The following SYT2 variants were observed in gnomAD, a reference collection of about 807,000 sequenced individuals.
SYT2 encodes the protein synaptotagmin-2.
A neutral mutation model predicts 39.9 loss-of-function variants in SYT2; 15 were observed. That is an observed-to-expected ratio of 0.38 (90% CI 0.25 to 0.58). The LOEUF is 0.58. Among genes scored for constraint, SYT2 ranks in the 20% least tolerant of loss-of-function variants. The pLI is 0.70. For missense variants in SYT2, 389 were observed against 530.3 expected, an observed-to-expected ratio of 0.73 and a Z score of 2.62; for synonymous variants, 181 against 204.5, an observed-to-expected ratio of 0.89 and a Z score of 0.98.
At chr1:202,651,163 A>G (rs1572658549) in intron 1 of SYT2, among the ~76,000 whole-genome samples, 1 of 151,962 alleles carries the variant, frequency 6.6e-6, no homozygotes, top group Non-Finnish European at 1.5e-5. Flanking sequence ...GAAAGCCAAT[A>G]CCAGTCTACA....
At chr1:202,627,399 C>T (rs1192725602) in intron 1 of SYT2, 1 of 977,192 alleles carries the variant, frequency 1.0e-6, no homozygotes, top group Non-Finnish European at 1.2e-6. Context: ...CTGGCAACCT[C>T]CGTCCCATCA....
rs10800842 is a variant in SYT2 at position 202,601,648 on chromosome 1, G to A, written c.801+242C>T. Among the ~76,000 whole-genome samples, 26,520 of 152,136 alleles carry A rather than the reference G, an allele frequency of 0.17. 3,641 individuals are homozygous for A. The highest frequency in any genetic ancestry group is 0.36 in the East Asian group (1,858 of 5,160). The stretch of plus-strand genomic sequence containing the variant: ...TTTGAGTACCTACCAAATACCAGTC[G>A]CTGCGCTAGGCGCTTTATGCAGGTA... On this transcript the variant is annotated intron_variant, in intron 6 of 8. Coordinates refer to ENST00000367268, the MANE Select transcript of SYT2 (RefSeq NM_177402.5). The surrounding 1 kb of genome is among the most constrained non-coding windows in gnomAD (Gnocchi z 4.0).
chr1:202,677,556 C>T (rs1360808497), intron 1 of SYT2, among the ~76,000 whole-genome samples: 1 of 152,170 alleles, frequency 6.6e-6, no homozygotes, highest in Non-Finnish European at 1.5e-5. Context: ...CCCCAACTCG[C>T]CATGTGAATG....
intron 1 of SYT2, among the ~76,000 whole-genome samples, chr1:202,663,060 G>A (rs972150932): frequency 6.6e-5 from 10 of 151,954 alleles, no homozygotes; most frequent in African/African-American, 2.2e-4. Context: ...ATCATCATGA[G>A]TCCTCTTTTC....
At chr1:202,683,206 C>T (rs1379799217) in intron 1 of SYT2, among the ~76,000 whole-genome samples, 1 of 152,164 alleles carries the variant, frequency 6.6e-6, no homozygotes. Flanking sequence ...ATACATACCC[C>T]GTGACCTAGC....
At position 202,628,830 on chromosome 1, in the gene SYT2, G is replaced by A. The variant is rs528622931; in HGVS notation, c.-17-23041C>T. Among the ~76,000 whole-genome samples, 3 of 152,380 alleles carry A rather than the reference G, an allele frequency of 2.0e-5. No individual in the cohort carries two copies. The highest frequency in any genetic ancestry group is 1.9e-4 in the East Asian group (1 of 5,188). ...GAAACACCAGGTGCTGCCAAGTGGGGTGAATGAGCACCTGGGCTCTGGGCA... is the reference window on the plus strand; with the variant it reads ...GAAACACCAGGTGCTGCCAAGTGGGATGAATGAGCACCTGGGCTCTGGGCA... On this transcript the variant is annotated intron_variant, in intron 1 of 8. Coordinates refer to ENST00000367268, the MANE Select transcript of SYT2 (RefSeq NM_177402.5). The surrounding 1 kb of genome is among the most constrained non-coding windows in gnomAD (Gnocchi z 4.2).
chr1:202,650,188 G>A (rs909987249), intron 1 of SYT2, among the ~76,000 whole-genome samples: 4 of 152,304 alleles, frequency 2.6e-5, no homozygotes, highest in South Asian at 2.1e-4. Context: ...CCCTGTCTGC[G>A]GGTATGTAAA....
chr1:202,687,085 T>C (rs1411148483), intron 1 of SYT2, among the ~76,000 whole-genome samples: 1 of 152,060 alleles, frequency 6.6e-6, no homozygotes, highest in African/African-American at 2.4e-5. Flanking sequence ...GAAAGGGCTG[T>C]GTCTTAAGCA....
Position 202,659,343 on chromosome 1 carries a change from A to T in SYT2, c.-18+50915T>A, listed in dbSNP as rs1692337661. ...AATCAGCTGTGAAAATAAATCCAGAAGAAGGGCTGAATGGAACCAGGGGCA... is the reference window on the plus strand; with the variant it reads ...AATCAGCTGTGAAAATAAATCCAGATGAAGGGCTGAATGGAACCAGGGGCA... On this transcript the variant is annotated intron_variant, in intron 1 of 8. Coordinates refer to ENST00000367268, the MANE Select transcript of SYT2 (RefSeq NM_177402.5). Among the ~76,000 whole-genome samples the T allele has an allele frequency of 5.3e-5, 8 of 152,316 alleles. No homozygotes were observed. The South Asian group carries it at 1.7e-3, about 32-fold the overall frequency.
intron 1 of SYT2, among the ~76,000 whole-genome samples, chr1:202,691,726 A>G (rs1653832239): frequency 2.4e-4 from 3 of 12,250 alleles, no homozygotes; most frequent in African/African-American, 1.1e-3. Context: ...GGAGAGGGAG[A>G]GGGGGGGAGA....
chr1:202,654,400 T>TAA (rs1692244290), intron 1 of SYT2, among the ~76,000 whole-genome samples: 1 of 152,216 alleles, frequency 6.6e-6, no homozygotes, highest in Non-Finnish European at 1.5e-5. Context: ...AGGCCAGCCC[T>TAA]GTTTCTTCGA....
In SYT2 at chr1:202,621,477, C is replaced by T. The variant is rs117470709; in HGVS notation, c.-17-15688G>A. Among the ~76,000 whole-genome samples the T allele has an allele frequency of 3.8e-3, 577 of 152,152 alleles. 11 individuals are homozygous for T. The East Asian group carries it at 0.062, about 16-fold the overall frequency. On this transcript the variant is annotated intron_variant, in intron 1 of 8. Coordinates refer to ENST00000367268, the MANE Select transcript of SYT2 (RefSeq NM_177402.5). ...ATGCCTGGCTAGTTTTAAAGTTTTT[C>T]ATAGAGACAGGGTACCACTATGTTG...
At chr1:202,610,444 T>G (rs1342242121) in intron 1 of SYT2, among the ~76,000 whole-genome samples, 1 of 152,142 alleles carries the variant, frequency 6.6e-6, no homozygotes. Flanking sequence ...ACCACTCCTA[T>G]TCAACATAGT....
chr1:202,626,889 T>C (rs1361541020), intron 1 of SYT2, among the ~76,000 whole-genome samples: 2 of 152,184 alleles, frequency 1.3e-5, no homozygotes, highest in Non-Finnish European at 2.9e-5. Flanking sequence ...CAGGTGCCTG[T>C]CTCACAGGGA....
At chr1:202,616,568 G>A (rs1199096463) in intron 1 of SYT2, among the ~76,000 whole-genome samples, 4 of 152,048 alleles carry the variant, frequency 2.6e-5, no homozygotes, top group Admixed American at 6.5e-5. Context: ...CACCTCACTC[G>A]TCAGCCCCTC....
intron 1 of SYT2, among the ~76,000 whole-genome samples, chr1:202,606,843 G>T (rs1348470374): frequency 6.6e-6 from 1 of 151,690 alleles, no homozygotes; most frequent in Non-Finnish European, 1.5e-5. Flanking sequence ...TTCTATGCTG[G>T]TATTTTTTCT....
chr1:202,700,076 G>A (rs1311173854), intron 1 of SYT2, among the ~76,000 whole-genome samples: 2 of 152,110 alleles, frequency 1.3e-5, no homozygotes, highest in African/African-American at 4.8e-5. Flanking sequence ...TAGGGGTTGG[G>A]ACAGTCAAGG....
At chr1:202,602,659 G>A (rs1690551309) in intron 4 of SYT2, 114 bp from the exon 5 acceptor site, 2 of 1,050,946 alleles carry the variant, frequency 1.9e-6, no homozygotes, top group South Asian at 3.3e-5. Context: ...TTGGGGCAGG[G>A]AAATGGCGGG....
chr1:202,624,759 T>TGTGTGTG (rs1201264871), intron 1 of SYT2, among the ~76,000 whole-genome samples: 1 of 104,244 alleles, frequency 9.6e-6, no homozygotes, highest in African/African-American at 4.7e-5. Context: ...GTGTGTGGTG[T>TGTGTGTG]GTGTGTGGTG....
Sources: allele counts gnomAD v4.1 joint callset (sites outside exome capture counted in the v4.1 genomes callset), GRCh38; gene constraint gnomAD v4.1.1; non-coding constraint Gnocchi (gnomAD v3.1); transcripts MANE v1.5; gene names NCBI Gene and HGNC (gene_info 2026-07-23, HGNC 2026-07-21).